The following KALRN variants were observed in gnomAD, a reference collection of about 807,000 sequenced individuals.
KALRN encodes the protein kalirin.
A neutral mutation model predicts 353.7 loss-of-function variants in KALRN; 70 were observed. The ratio of observed to expected loss-of-function variants is 0.20; its 90% CI spans 0.16 to 0.24. The LOEUF is 0.24. Ranked by LOEUF, KALRN falls within the 10% of genes least tolerant of loss-of-function variation. The probability of loss-of-function intolerance (pLI) is 1.00; values close to 1 mark genes in which losing one functional copy is unlikely to be tolerated. For synonymous variants in KALRN, 1,391 were observed against 1,434.8 expected (o/e 0.97, Z 0.69); for missense variants, 2,791 against 3,756.7 (o/e 0.74, Z 6.72).
chr3:124,385,694 A>G (rs2088152626), intron 11 of KALRN, among the ~76,000 whole-genome samples: 1 of 152,118 alleles, frequency 6.6e-6, no homozygotes, highest in East Asian at 1.9e-4. Flanking sequence ...AGAAAGGAGA[A>G]GGAAGGATAG....
At chr3:124,516,554 G>A in intron 33 of KALRN, among the ~76,000 whole-genome samples, 1 of 150,090 alleles carries the variant, frequency 6.7e-6, no homozygotes, top group East Asian at 2.0e-4. Flanking sequence ...ACCGTATAAA[G>A]AGCAGAATGC....
chr3:124,658,641 A>G (rs559326297), intron 42 of KALRN, 124 bp downstream of exon 42: 30 of 731,234 alleles, frequency 4.1e-5, no homozygotes, highest in Admixed American at 1.5e-4. Flanking sequence ...TGACCCATTC[A>G]TGGCAGGAAT....
At chr3:124,580,902 G>A (rs2074562876) in intron 34 of KALRN, among the ~76,000 whole-genome samples, 1 of 151,404 alleles carries the variant, frequency 6.6e-6, no homozygotes, top group African/African-American at 2.4e-5. Context: ...GAGCCCAGGA[G>A]TTCAAGACCA....
intron 34 of KALRN, among the ~76,000 whole-genome samples, chr3:124,597,428 G>A (rs2076375103): frequency 1.3e-5 from 2 of 152,214 alleles, no homozygotes; most frequent in African/African-American, 2.4e-5. Context: ...AAATAATTAC[G>A]TAGAAGCTGA....
chr3:124,652,820 G>A (rs562373912), intron 38 of KALRN, among the ~76,000 whole-genome samples: 16 of 151,928 alleles, frequency 1.1e-4, no homozygotes, highest in Middle Eastern at 3.4e-3. Flanking sequence ...CTCGTGATCC[G>A]CCAGCCTCAG....
At chr3:124,680,350 G>C (rs1042982558) in intron 51 of KALRN, among the ~76,000 whole-genome samples, 1 of 152,214 alleles carries the variant, frequency 6.6e-6, no homozygotes, top group Non-Finnish European at 1.5e-5. Context: ...TGGCTCTTAC[G>C]TGGCTTGCCA....
At chr3:124,527,539 G>A (rs1434294769) in intron 33 of KALRN, among the ~76,000 whole-genome samples, 1 of 151,932 alleles carries the variant, frequency 6.6e-6, no homozygotes, top group African/African-American at 2.4e-5. Context: ...AAACCAGGAG[G>A]CAGAGGTTGC....
chr3:124,718,001 AG>A (rs1352705202), intron 59 of KALRN, among the ~76,000 whole-genome samples: 4 of 149,966 alleles, frequency 2.7e-5, no homozygotes, highest in Non-Finnish European at 4.4e-5. Context: ...TAGTAGAGAC[AG>A]GGTTTCATCA....
At chr3:124,278,040 T>TA (rs1195393406) in intron 5 of KALRN, among the ~76,000 whole-genome samples, 1 of 124,122 alleles carries the variant, frequency 8.1e-6, no homozygotes, top group African/African-American at 2.8e-5. Flanking sequence ...TGCAGGGCAG[T>TA]AACTGAGAAA....
intron 5 of KALRN, among the ~76,000 whole-genome samples, chr3:124,287,389 C>T (rs1376145690): frequency 1.3e-5 from 2 of 151,952 alleles, no homozygotes; most frequent in Non-Finnish European, 2.9e-5. Context: ...ACTGTAATAT[C>T]CTGTCACCCA....
intron 21 of KALRN, 115 bp downstream of exon 21, chr3:124,447,000 C>G (rs1344996769): frequency 8.3e-7 from 1 of 1,203,270 alleles, no homozygotes; most frequent in East Asian, 2.4e-5. Context: ...GCTACAGTGG[C>G]AAGGGGGGAA....
chr3:124,598,448 G>A (rs2149427109), intron 34 of KALRN, among the ~76,000 whole-genome samples: 1 of 152,274 alleles, frequency 6.6e-6, no homozygotes, highest in African/African-American at 2.4e-5. Context: ...GATCCAGTGA[G>A]GCCAGTGGCT....
intron 13 of KALRN, among the ~76,000 whole-genome samples, chr3:124,409,166 G>A (rs924402438): frequency 3.9e-5 from 6 of 152,150 alleles, no homozygotes; most frequent in Admixed American, 2.6e-4. Flanking sequence ...GGAGACAGAG[G>A]CCACTAGAGC....
chr3:124,495,957 G>GTATATATATATATA lies in KALRN; in HGVS notation c.4833-351_4833-350insATATATATATATAT, dbSNP rs201949824. Among the ~76,000 whole-genome samples, 47 of 44,224 alleles carry GTATATATATATATA rather than the reference G, an allele frequency of 1.1e-3. 1 individual carries two copies. Among genetic ancestry groups the GTATATATATATATA allele is most frequent in the African/African-American group, 3.9e-3 (45 of 11,474 alleles). The allele number at this position is 44,224 out of a possible 152,430, so 29.0% of individuals were successfully genotyped here. A position where few individuals can be genotyped will look rare whatever the true frequency, so the allele number is the denominator to read the frequency against. On this transcript the variant is annotated intron_variant, in intron 32 of 59. Coordinates refer to ENST00000682506, the MANE Select transcript of KALRN (RefSeq NM_001388419.1). ...GACCCGTTCCCAAGTGTGTGTATGT[G>GTATATATATATATA]TATGTATGTATATATATATATATAT...
At chr3:124,292,092 A>G (rs1235166273) in intron 5 of KALRN, among the ~76,000 whole-genome samples, 1 of 152,184 alleles carries the variant, frequency 6.6e-6, no homozygotes, top group Non-Finnish European at 1.5e-5. Context: ...GGGGTCCTTT[A>G]TGAGGTCTGT....
intron 34 of KALRN, among the ~76,000 whole-genome samples, chr3:124,564,256 T>C (rs2072498902): frequency 6.6e-6 from 1 of 150,780 alleles, no homozygotes; most frequent in Non-Finnish European, 1.5e-5. Flanking sequence ...TGGTGTTCAC[T>C]TGTAGTTCCA....
chr3:124,647,719 A>C (rs1207744784), intron 37 of KALRN, among the ~76,000 whole-genome samples: 1 of 152,186 alleles, frequency 6.6e-6, no homozygotes. Context: ...GTAGATGTTC[A>C]ATAAATATTT....
chr3:124,673,648 G>GTATGTATATAC (rs1553725658), intron 48 of KALRN, among the ~76,000 whole-genome samples: 2 of 151,812 alleles, frequency 1.3e-5, no homozygotes, highest in Admixed American at 6.6e-5. Context: ...TGTATATACT[G>GTATGTATATAC]AAGAATTTCT....
At chr3:124,219,993 G>A (rs1312935733) in intron 1 of KALRN, among the ~76,000 whole-genome samples, 6 of 151,546 alleles carry the variant, frequency 4.0e-5, no homozygotes, top group Admixed American at 1.3e-4. Flanking sequence ...CTCCCAGGCC[G>A]GAGTGCAGTG....
Sources: gnomAD v4.1 joint callset for allele counts (sites outside exome capture counted in the v4.1 genomes callset) on GRCh38, gnomAD v4.1.1 for gene constraint, MANE v1.5 for transcripts, NCBI Gene and HGNC (gene_info 2026-07-23, HGNC 2026-07-21) for gene names.